VAV2: variants seen among roughly 807,000 people sequenced by gnomAD.
VAV2 encodes the protein guanine nucleotide exchange factor VAV2.
In VAV2, 67 loss-of-function variants were observed where a neutral mutation model predicts 132.5. The ratio of observed to expected loss-of-function variants is 0.51; its 90% CI spans 0.42 to 0.62. The LOEUF is 0.62. VAV2 is among the 20% of genes least tolerant of loss of function. The pLI is 0.00. For missense variants in VAV2, 938 were observed against 1,153.6 expected, an observed-to-expected ratio of 0.81 and a Z score of 2.71; for synonymous variants, 492 against 443.5, an observed-to-expected ratio of 1.11 and a Z score of -1.37.
chr9:133,942,161 C>A (rs2519106), intron 1 of VAV2, among the ~76,000 whole-genome samples: 110,510 of 152,096 alleles, frequency 0.73, 40,305 homozygotes, highest in East Asian at 0.8. Flanking sequence ...TACCACAATA[C>A]AAAGATTAAT....
At chr9:133,870,048 T>G (rs891560227) in intron 2 of VAV2, among the ~76,000 whole-genome samples, 5 of 152,184 alleles carry the variant, frequency 3.3e-5, no homozygotes, top group African/African-American at 1.2e-4. Context: ...CAGAAAAATT[T>G]GGGGTACTTG....
In VAV2 at chr9:133,893,397, G is replaced by T. The variant is rs529196466; in HGVS notation, c.322-31965C>A. Among the ~76,000 whole-genome samples the T allele has an allele frequency of 6.6e-5, 10 of 152,350 alleles. No homozygotes were observed. In the South Asian group the frequency reaches 2.1e-3, roughly 32 times the overall value. On this transcript the variant is annotated intron_variant, in intron 2 of 29. Transcript: ENST00000371850. ...GCCTCAGCTGGTCCTCGGTCCCACA[G>T]TCGGGCAGCGCCACGGTGGGGCAGC... is the stretch of plus-strand genomic sequence containing the variant.
intron 1 of VAV2, among the ~76,000 whole-genome samples, chr9:133,988,695 G>T (rs976619005): frequency 6.6e-6 from 1 of 152,200 alleles, no homozygotes; most frequent in Non-Finnish European, 1.5e-5. Flanking sequence ...AGGCTGAGGC[G>T]AGCAGATCAT....
chr9:133,886,061 C>T (rs182643997), intron 2 of VAV2, among the ~76,000 whole-genome samples: 7 of 152,316 alleles, frequency 4.6e-5, no homozygotes, highest in Non-Finnish European at 7.4e-5. Flanking sequence ...AAGGCCCAGC[C>T]GGGCCCAGAG....
chr9:133,914,454 G>A (rs1564461225), intron 2 of VAV2, among the ~76,000 whole-genome samples: 1 of 150,140 alleles, frequency 6.7e-6, no homozygotes, highest in East Asian at 2.0e-4. Context: ...GGAACGAAGC[G>A]CTGACTTAGT....
At position 133,989,353 on chromosome 9, in the gene VAV2, A is replaced by T. The variant is rs181668867; in HGVS notation, c.204+2722T>A. Reference sequence around the variant, plus strand: ...AAACTCCATCTCAAAAAAAAAAAAAAACAAAAAATACAAAAAATTAGCCGG... The same window carrying T: ...AAACTCCATCTCAAAAAAAAAAAAATACAAAAAATACAAAAAATTAGCCGG... On this transcript the variant is annotated intron_variant, in intron 1 of 29. Transcript: ENST00000371850. Among the ~76,000 whole-genome samples, 436 of 150,050 alleles carry T rather than the reference A, an allele frequency of 2.9e-3. 2 individuals are homozygous for T. The highest frequency in any genetic ancestry group is 0.01 in the African/African-American group (418 of 40,604).
chr9:133,817,886 T>C (rs1358308777), intron 4 of VAV2, among the ~76,000 whole-genome samples: 1 of 152,194 alleles, frequency 6.6e-6, no homozygotes, highest in Non-Finnish European at 1.5e-5. Flanking sequence ...TGATGGCTGA[T>C]TTTGTATGTG....
At chr9:133,841,927 G>T (rs1836740998) in intron 3 of VAV2, among the ~76,000 whole-genome samples, 1 of 151,690 alleles carries the variant, frequency 6.6e-6, no homozygotes, top group African/African-American at 2.4e-5. Flanking sequence ...CAGCCGCAGT[G>T]GGACCAATTC....
intron 1 of VAV2, 183 bp from the exon 2 acceptor site, chr9:133,939,402 G>A (rs1411556068): frequency 4.7e-6 from 3 of 638,690 alleles, no homozygotes; most frequent in African/African-American, 1.8e-5. Context: ...CCCAAGGCTG[G>A]GGGGTGAGAA....
rs1838662407 is a variant in VAV2 at position 133,885,388 on chromosome 9, A to G, written c.322-23956T>C. Among the ~76,000 whole-genome samples the G allele has an allele frequency of 2.0e-5, 3 of 152,210 alleles. No individual in the cohort carries two copies. Among genetic ancestry groups the G allele is most frequent in the African/African-American group, 7.2e-5 (3 of 41,460 alleles). ...GGCATCCCTGTCACATCGATGAGCA[A>G]ACATGGCCCAGCGATTTGTGTTTCT... On this transcript the variant is annotated intron_variant, in intron 2 of 29. Coordinates refer to ENST00000371850, the MANE Select transcript of VAV2 (RefSeq NM_001134398.2). This position sits in a 1 kb window ranked among gnomAD's most constrained non-coding sequence, Gnocchi z 5.0.
At chr9:133,805,046 A>G (rs1328891002) in intron 9 of VAV2, among the ~76,000 whole-genome samples, 1 of 152,118 alleles carries the variant, frequency 6.6e-6, no homozygotes, top group Non-Finnish European at 1.5e-5. Flanking sequence ...AGGGCTTCCC[A>G]GGCAACGTGC....
intron 2 of VAV2, among the ~76,000 whole-genome samples, chr9:133,887,662 A>G (rs961862231): frequency 2.6e-5 from 4 of 151,900 alleles, no homozygotes. Flanking sequence ...CCCCAACCCC[A>G]GCACCCCAGG....
chr9:133,906,026 G>C (rs1425156120), intron 2 of VAV2, among the ~76,000 whole-genome samples: 2 of 152,148 alleles, frequency 1.3e-5, no homozygotes, highest in Non-Finnish European at 2.9e-5. Context: ...GCAACAGAGT[G>C]AGACCCTGTC....
chr9:133,785,623 A>G (rs1834187057), intron 17 of VAV2, among the ~76,000 whole-genome samples, 153 bp downstream of exon 17: 1 of 152,166 alleles, frequency 6.6e-6, no homozygotes. Flanking sequence ...CTGGCGTCCC[A>G]GGGGTGATGG....
chr9:133,824,102 G>A lies in VAV2; in HGVS notation c.449+10170C>T, dbSNP rs938792853. 4.6e-5 allele frequency among the ~76,000 whole-genome samples: 7 copies of A among 152,158 alleles called. No individual in the cohort carries two copies. The highest frequency in any genetic ancestry group is 7.4e-5 in the Non-Finnish European group (5 of 68,024). Reference sequence around the variant, plus strand: ...GTACCAAGGGGCCCACAAGATGTCCGAGGGGGGCAGGGAGGGTCCCTGAAA... The same window carrying A: ...GTACCAAGGGGCCCACAAGATGTCCAAGGGGGGCAGGGAGGGTCCCTGAAA... On this transcript the variant is annotated intron_variant, in intron 4 of 29. Transcript: ENST00000371850. This position sits in a 1 kb window ranked among gnomAD's most constrained non-coding sequence, Gnocchi z 5.2.
intron 2 of VAV2, among the ~76,000 whole-genome samples, chr9:133,880,291 G>A (rs1838440288): frequency 6.6e-6 from 1 of 152,238 alleles, no homozygotes; most frequent in East Asian, 1.9e-4. Flanking sequence ...AGAGTGGGCA[G>A]GAAGCAGCTG....
At position 133,991,004 on chromosome 9, in the gene VAV2, C is replaced by A. The variant is rs991771467; in HGVS notation, c.204+1071G>T. On this transcript the variant is annotated intron_variant, in intron 1 of 29. Transcript: ENST00000371850. This position sits in a 1 kb window ranked among gnomAD's most constrained non-coding sequence, Gnocchi z 4.8. ...AGTCACCGCCAAAGGGCAGAGGCCT[C>A]GCTGCCCAGCCTGGAATCGCTGGTG... 1.2e-4 allele frequency among the ~76,000 whole-genome samples: 18 copies of A among 152,180 alleles called. No individual in the cohort carries two copies. Among genetic ancestry groups the A allele is most frequent in the African/African-American group, 4.3e-4 (18 of 41,446 alleles).
intron 1 of VAV2, among the ~76,000 whole-genome samples, chr9:133,953,038 C>A (rs2319065): frequency 2.1e-5 from 3 of 144,054 alleles, no homozygotes; most frequent in Non-Finnish European, 1.5e-5. Context: ...GCATGGCCCC[C>A]GGGACACCTA....
chr9:133,846,953 G>A (rs1836958083), intron 3 of VAV2, among the ~76,000 whole-genome samples: 1 of 152,244 alleles, frequency 6.6e-6, no homozygotes, highest in Admixed American at 6.5e-5. Context: ...GGATGGGCTT[G>A]GCTGGGCTCC....
Sources: allele counts gnomAD v4.1 joint callset (sites outside exome capture counted in the v4.1 genomes callset), GRCh38; gene constraint gnomAD v4.1.1; non-coding constraint Gnocchi (gnomAD v3.1); transcripts MANE v1.5; gene names NCBI Gene and HGNC (gene_info 2026-07-23, HGNC 2026-07-21).